The following RANBP2 variants were observed in gnomAD, a reference collection of about 807,000 sequenced individuals.
The protein encoded by RANBP2 is E3 SUMO-protein ligase RanBP2.
Under a neutral mutation model 303.6 loss-of-function variants are expected in RANBP2, and 57 were observed. The observed-to-expected ratio is 0.19, with a 90% CI of 0.15 to 0.23. The LOEUF (loss-of-function observed/expected upper bound fraction) is 0.23. Among genes scored for constraint, RANBP2 ranks in the 10% least tolerant of loss-of-function variants. The pLI is 1.00. For synonymous variants in RANBP2, 1,167 were observed against 1,301.5 expected (o/e 0.90, Z 2.23); for missense variants, 3,138 against 3,780.8 (o/e 0.83, Z 4.46).
the RANBP2 span, among the ~76,000 whole-genome samples, chr2:108,886,450 T>C: frequency 6.6e-6 from 1 of 152,194 alleles, no homozygotes; most frequent in African/African-American, 2.4e-5. Context: ...AGTCTCTCTC[T>C]GTCACCCAGG....
chr2:109,287,921 C>T, the RANBP2 span, among the ~76,000 whole-genome samples: 2 of 152,254 alleles, frequency 1.3e-5, no homozygotes, highest in Non-Finnish European at 2.9e-5. Context: ...CACCTCTCTA[C>T]ATCCAGGACC....
chr2:109,086,811 A>G, the RANBP2 span, among the ~76,000 whole-genome samples: 1 of 152,190 alleles, frequency 6.6e-6, no homozygotes, highest in African/African-American at 2.4e-5. Flanking sequence ...GACCCAGGAA[A>G]GGAGTCCTTT....
At chr2:108,789,612 C>CA (rs1679563156), downstream of RANBP2, among the ~76,000 whole-genome samples, 4 of 151,744 alleles carry the variant, frequency 2.6e-5, no homozygotes, top group Non-Finnish European at 5.9e-5. Flanking sequence ...AAACGAACTA[C>CA]AAAAAAAACT....
chr2:108,923,286 C>T, the RANBP2 span: 3,160 of 1,354,566 alleles, frequency 2.3e-3, 61 homozygotes, highest in African/African-American at 0.039. Flanking sequence ...GGTGCCAGGA[C>T]CGGCTCTTTC....
chr2:109,302,239 C>T, the RANBP2 span, among the ~76,000 whole-genome samples: 1 of 151,718 alleles, frequency 6.6e-6, no homozygotes, highest in Non-Finnish European at 1.5e-5. Context: ...TCAGGTTGCT[C>T]TAAGTGTCAG....
chr2:109,378,942 G>C, the RANBP2 span, among the ~76,000 whole-genome samples: 3 of 152,162 alleles, frequency 2.0e-5, no homozygotes, highest in Non-Finnish European at 4.4e-5. Context: ...CTCCAGGACT[G>C]TCTCTCTCTA....
chr2:108,725,081 C>T (rs1694587374), intron 1 of RANBP2, among the ~76,000 whole-genome samples: 1 of 152,184 alleles, frequency 6.6e-6, no homozygotes, highest in South Asian at 2.1e-4. Flanking sequence ...TGTGGCATCT[C>T]TTAGGGTCTT....
rs1330908863 is a variant in RANBP2, at chr2:108,751,590, C to T, written c.1518C>T (p.His506=). The T allele has an allele frequency of 5.0e-6, 8 of 1,611,022 alleles. No homozygotes were observed. Among genetic ancestry groups the T allele is most frequent in the Non-Finnish European group, 6.8e-6 (8 of 1,179,296 alleles). ...HLQLKEKCNS[H]HSSYQPLCLP... The stretch of plus-strand genomic sequence containing the variant: ...AATTAAAGGAGAAATGTAATTCTCA[C>T]CACAGCTCCTATCAGCCGTTATGCC... The change falls in exon 11 of 29, where the codon CAC becomes CAT. Residue 506 remains histidine, a synonymous_variant. Transcript: ENST00000283195.
chr2:108,799,329 G>C, the RANBP2 span, among the ~76,000 whole-genome samples: 404 of 152,280 alleles, frequency 2.7e-3, no homozygotes, highest in African/African-American at 9.0e-3. Context: ...CTTACTTGGA[G>C]TAAAATTCAT....
chr2:109,614,530 G>T, the RANBP2 span: 29 of 1,283,748 alleles, frequency 2.3e-5, no homozygotes, highest in Non-Finnish European at 2.6e-5. Flanking sequence ...GCGGCGCTGG[G>T]CCCCGAGGCG....
At chr2:109,602,300 C>A in the RANBP2 span, among the ~76,000 whole-genome samples, 1 of 146,212 alleles carries the variant, frequency 6.8e-6, no homozygotes, top group Non-Finnish European at 1.5e-5. Flanking sequence ...AGATTAAGGA[C>A]AATAAAATTA....
At chr2:108,840,223 T>C in the RANBP2 span, among the ~76,000 whole-genome samples, 1 of 152,310 alleles carries the variant, frequency 6.6e-6, no homozygotes, top group Admixed American at 6.5e-5. Flanking sequence ...TTTATATGTT[T>C]TTATATTAAC....
chr2:109,180,015 A>G, the RANBP2 span, among the ~76,000 whole-genome samples: 6 of 152,150 alleles, frequency 3.9e-5, no homozygotes, highest in Non-Finnish European at 8.8e-5. Context: ...GACCCATTCA[A>G]ATTACCTCAA....
the RANBP2 span, among the ~76,000 whole-genome samples, chr2:109,211,371 A>G: frequency 1.3e-5 from 2 of 152,226 alleles, no homozygotes; most frequent in African/African-American, 4.8e-5. Context: ...AATGAAATTC[A>G]CAGAAGATGC....
At chr2:109,486,698 C>G in the RANBP2 span, among the ~76,000 whole-genome samples, 1 of 152,028 alleles carries the variant, frequency 6.6e-6, no homozygotes, top group Non-Finnish European at 1.5e-5. Context: ...TTGCACCCAG[C>G]AGTGTGGTTG....
At chr2:109,286,876 T>C in the RANBP2 span, among the ~76,000 whole-genome samples, 1 of 152,160 alleles carries the variant, frequency 6.6e-6, no homozygotes, top group African/African-American at 2.4e-5. Context: ...CGTTGACCGG[T>C]CTGTCCCCAG....
At chr2:109,269,483 T>G in the RANBP2 span, among the ~76,000 whole-genome samples, 1 of 152,174 alleles carries the variant, frequency 6.6e-6, no homozygotes, top group Non-Finnish European at 1.5e-5. Flanking sequence ...AGGTAGTGCT[T>G]AAAAGATAGT....
At chr2:109,145,737 C>A in the RANBP2 span, among the ~76,000 whole-genome samples, 1 of 152,190 alleles carries the variant, frequency 6.6e-6, no homozygotes, top group Admixed American at 6.5e-5. Context: ...TCCGTTGAGC[C>A]TCCCCACCCG....
chr2:109,659,268 T>C, the RANBP2 span, among the ~76,000 whole-genome samples: 1 of 148,222 alleles, frequency 6.7e-6, no homozygotes, highest in Non-Finnish European at 1.5e-5. Context: ...TCCCAGCTAC[T>C]CGGGAGGCTG....
Sources: gnomAD v4.1 joint callset for allele counts (sites outside exome capture counted in the v4.1 genomes callset) on GRCh38, gnomAD v4.1.1 for gene constraint, MANE v1.5 for transcripts, NCBI Gene and HGNC (gene_info 2026-07-23, HGNC 2026-07-21) for gene names.